Variants in PLOD1 observed in about 807,000 individuals in gnomAD.
PLOD1 encodes the protein procollagen-lysine,2-oxoglutarate 5-dioxygenase 1, also known as lysine hydroxylase.
In PLOD1, 70 loss-of-function variants were observed where a neutral mutation model predicts 94.7. The ratio of observed to expected loss-of-function variants is 0.74; its 90% CI spans 0.61 to 0.90. PLOD1 has a LOEUF of 0.90. Ranked by LOEUF, PLOD1 falls within the 40% of genes least tolerant of loss-of-function variation. The pLI is 0.00. For synonymous variants in PLOD1, 417 were observed against 400.2 expected (o/e 1.04, Z -0.50); for missense variants, 905 against 972.7 (o/e 0.93, Z 0.93).
chr1:11,952,858 A>G (rs1645713013), intron 5 of PLOD1, 123 bp downstream of exon 5: 3 of 679,872 alleles, frequency 4.4e-6, no homozygotes, highest in Non-Finnish European at 8.0e-6. Context: ...GGCTGCTCTG[A>G]CAAACTGCCA....
chr1:11,965,600 C>A lies in PLOD1; in HGVS notation c.1584+7C>A. On this transcript the variant is annotated splice_region_variant and intron_variant, in intron 14 of 18. Coordinates refer to ENST00000196061, the MANE Select transcript of PLOD1 (RefSeq NM_000302.4). Reference sequence around the variant, plus strand: ...GGTGTTCAGCAACCCCGAGGTGAGGCCAGGGTGGGCACATAGGGGCTGGGA... The same window carrying A: ...GGTGTTCAGCAACCCCGAGGTGAGGACAGGGTGGGCACATAGGGGCTGGGA... 7.1e-6 allele frequency: 11 copies of A among 1,560,088 alleles called. No homozygotes were observed. The highest frequency in any genetic ancestry group is 9.7e-6 in the Non-Finnish European group (11 of 1,131,190).
At chr1:11,939,809 T>C (rs1345271390) in intron 1 of PLOD1, among the ~76,000 whole-genome samples, 1 of 152,200 alleles carries the variant, frequency 6.6e-6, no homozygotes, top group African/African-American at 2.4e-5. Context: ...GGTTTCGCCA[T>C]GTTGGCCAGG....
In PLOD1 at chr1:11,975,321, T is replaced by A. The variant is rs1430415471; in HGVS notation, c.*513T>A. On this transcript the variant is annotated 3_prime_UTR_variant, in exon 19 of 19. Transcript: ENST00000196061. ...CTGGGACTTCTGCCTCCATGGCTGG[T>A]CATGAGAGCAAACCGTAGTCCCCTG... 1 of 234,524 alleles carries A rather than the reference T, an allele frequency of 4.3e-6. No individual in the cohort carries two copies. Among genetic ancestry groups the A allele is most frequent in the Non-Finnish European group, 8.5e-6 (1 of 117,446 alleles). 14.5% of individuals were successfully genotyped at this position (234,524 alleles called of 1,614,324 possible).
chr1:11,943,291 T>G (rs1645627265), intron 1 of PLOD1, among the ~76,000 whole-genome samples: 1 of 132,588 alleles, frequency 7.5e-6, no homozygotes, highest in Non-Finnish European at 1.5e-5. Flanking sequence ...CCCGGCTTTT[T>G]TTTTCTTTCT....
intron 18 of PLOD1, 48 bp from the exon 19 acceptor site, chr1:11,974,605 G>C: frequency 6.3e-7 from 1 of 1,579,026 alleles, no homozygotes; most frequent in Non-Finnish European, 8.7e-7. Flanking sequence ...GAGAACAGAC[G>C]GGCAGGGGGG....
chr1:11,941,890 G>C (rs1162333081), intron 1 of PLOD1, among the ~76,000 whole-genome samples: 4 of 152,074 alleles, frequency 2.6e-5, no homozygotes, highest in Admixed American at 2.0e-4. Flanking sequence ...TGCCATGTTG[G>C]CCAGGTGGGA....
chr1:11,959,586 G>A (rs1475698260), intron 9 of PLOD1, among the ~76,000 whole-genome samples: 3 of 150,402 alleles, frequency 2.0e-5, no homozygotes, highest in Admixed American at 6.6e-5. Flanking sequence ...GAGACTACAG[G>A]CATGCGCCAT....
At chr1:11,967,666 T>TTTA (rs1645831442) in intron 16 of PLOD1, among the ~76,000 whole-genome samples, 1 of 132,404 alleles carries the variant, frequency 7.6e-6, no homozygotes, top group Non-Finnish European at 1.6e-5. Flanking sequence ...ATATTTTTTT[T>TTTA]AAATAATAGA....
In PLOD1 at chr1:11,963,697, C is replaced by G; in HGVS notation, c.1202+61C>G. The G allele has an allele frequency of 9.6e-7, 1 of 1,044,032 alleles. No homozygotes were observed. The highest frequency in any genetic ancestry group is 1.5e-6 in the Non-Finnish European group (1 of 682,244). 64.7% of individuals were successfully genotyped at this position (1,044,032 alleles called of 1,614,324 possible). A position where few individuals can be genotyped will look rare whatever the true frequency, so the allele number is the denominator to read the frequency against. Reference sequence around the variant, plus strand: ...GACTGGCCTGGTCCTGGGGTGGCAGCCCTCCTTGCCTTCCTCCTCCTCCTC... The same window carrying G: ...GACTGGCCTGGTCCTGGGGTGGCAGGCCTCCTTGCCTTCCTCCTCCTCCTC... On this transcript the variant is annotated intron_variant, in intron 11 of 18. Transcript: ENST00000196061. The surrounding 1 kb of genome is among the most constrained non-coding windows in gnomAD (Gnocchi z 4.3).
intron 1 of PLOD1, among the ~76,000 whole-genome samples, chr1:11,943,812 A>G (rs1645631089): frequency 6.6e-6 from 1 of 151,798 alleles, no homozygotes; most frequent in Admixed American, 6.6e-5. Flanking sequence ...AAGAGAGGAG[A>G]CTCTGGGTTC....
At chr1:11,959,445 CTTT>C (rs147497113) in intron 9 of PLOD1, among the ~76,000 whole-genome samples, 5 of 136,172 alleles carry the variant, frequency 3.7e-5, no homozygotes, top group African/African-American at 5.4e-5. Context: ...GTTTTCTTTT[CTTT>C]TTTTTTTTTT....
intron 16 of PLOD1, 78 bp from the exon 17 acceptor site, chr1:11,970,592 G>T: frequency 7.4e-7 from 1 of 1,359,296 alleles, no homozygotes; most frequent in Non-Finnish European, 1.0e-6. Context: ...CACATTCCCG[G>T]GTGTAGGAGA....
intron 1 of PLOD1, among the ~76,000 whole-genome samples, chr1:11,938,425 G>A (rs993020583): frequency 2.0e-5 from 3 of 152,156 alleles, no homozygotes; most frequent in Non-Finnish European, 4.4e-5. Flanking sequence ...AGGGGGTGCT[G>A]TTGCCTGGAA....
Position 11,963,381 on chromosome 1 carries a change from C to CA in PLOD1, c.1098-150dup. 1.5e-6 allele frequency: 1 copy of CA among 672,494 alleles called. No homozygotes were observed. 41.7% of individuals were successfully genotyped at this position (672,494 alleles called of 1,614,324 possible). On this transcript the variant is annotated intron_variant, in intron 10 of 18. Transcript: ENST00000196061. This position sits in a 1 kb window ranked among gnomAD's most constrained non-coding sequence, Gnocchi z 4.3. ...CCCAGCAGTCCAGGGGTTTGGGACTCAGAGTCGGGAGGAACCTTTGAGGCT... is the reference window on the plus strand; with the variant it reads ...CCCAGCAGTCCAGGGGTTTGGGACTCAAGAGTCGGGAGGAACCTTTGAGGCT...
intron 10 of PLOD1, among the ~76,000 whole-genome samples, chr1:11,962,576 G>A (rs760086524): frequency 2.6e-5 from 4 of 151,708 alleles, no homozygotes; most frequent in South Asian, 2.1e-4. Context: ...ACGCCCTGCC[G>A]ATTTGTTTTT....
chr1:11,934,943 A>G, intron 1 of PLOD1, 88 bp downstream of exon 1: 1 of 1,456,746 alleles, frequency 6.9e-7, no homozygotes, highest in African/African-American at 1.5e-5. Context: ...CCTGAATGGG[A>G]GGCCTGGGCT....
At position 11,947,905 on chromosome 1, in the gene PLOD1, G is replaced by A. The variant is rs1569681504; in HGVS notation, c.77-71G>A. On this transcript the variant is annotated intron_variant, in intron 1 of 18. Coordinates refer to ENST00000196061, the MANE Select transcript of PLOD1 (RefSeq NM_000302.4). ...CTGCCAGAATTTGACAGGTCACTGGGAACAAAGACCTCCTCCCTGTCACCT... is the reference window on the plus strand; with the variant it reads ...CTGCCAGAATTTGACAGGTCACTGGAAACAAAGACCTCCTCCCTGTCACCT... The A allele has an allele frequency of 7.1e-6, 7 of 979,092 alleles. No individual in the cohort carries two copies. The East Asian group carries it at 1.7e-4, about 23-fold the overall frequency. The allele number at this position is 979,092 out of a possible 1,614,324, so 60.7% of individuals were successfully genotyped here.
intron 1 of PLOD1, among the ~76,000 whole-genome samples, chr1:11,935,584 G>C (rs145257896): frequency 2.0e-5 from 3 of 150,484 alleles, no homozygotes; most frequent in Non-Finnish European, 3.0e-5. Flanking sequence ...CGCAGTATGC[G>C]ATCTCGGCTT....
At chr1:11,973,359 G>C (rs1048398336) in intron 18 of PLOD1, among the ~76,000 whole-genome samples, 5 of 151,994 alleles carry the variant, frequency 3.3e-5, no homozygotes, top group African/African-American at 1.2e-4. Context: ...AATTAGCTGG[G>C]CGTGGTAGCA....
Sources: gnomAD v4.1 joint callset for allele counts (sites outside exome capture counted in the v4.1 genomes callset) on GRCh38, gnomAD v4.1.1 for gene constraint, Gnocchi (gnomAD v3.1) non-coding constraint, MANE v1.5 for transcripts, NCBI Gene and HGNC (gene_info 2026-07-23, HGNC 2026-07-21) for gene names.